TMEM268: variants seen among roughly 807,000 people sequenced by gnomAD.
TMEM268 encodes transmembrane protein 268, also known as transmembrane protein C9orf91.
Under a neutral mutation model 39.1 loss-of-function variants are expected in TMEM268, and 24 were observed. That is an observed-to-expected ratio of 0.61 (90% CI 0.44 to 0.86). TMEM268 has a LOEUF of 0.86. Ranked by LOEUF, TMEM268 falls within the 40% of genes least tolerant of loss-of-function variation. The pLI, the probability that TMEM268 is intolerant of heterozygous loss-of-function variation, is 0.00. For missense variants in TMEM268, 409 were observed against 428.6 expected (o/e 0.95, Z 0.40); for synonymous variants, 176 against 173.5 (o/e 1.01, Z -0.12).
intron 5 of TMEM268, among the ~76,000 whole-genome samples, chr9:114,632,617 G>A (rs1026197021): frequency 6.6e-6 from 1 of 152,152 alleles, no homozygotes; most frequent in Non-Finnish European, 1.5e-5. Flanking sequence ...CCCACCTGAG[G>A]GCCAGGCGCT....
At chr9:114,629,970 T>C (rs1589347509) in intron 5 of TMEM268, among the ~76,000 whole-genome samples, 1 of 152,352 alleles carries the variant, frequency 6.6e-6, no homozygotes, top group East Asian at 1.9e-4. Flanking sequence ...TGGCTACTCC[T>C]GCAGCAAGAA....
At chr9:114,639,039 C>G (rs2900590) in intron 8 of TMEM268, among the ~76,000 whole-genome samples, 1 of 152,132 alleles carries the variant, frequency 6.6e-6, no homozygotes, top group East Asian at 1.9e-4. Context: ...CATGAACATA[C>G]TGATGAACAT....
chr9:114,636,403 G>A (rs1001703861), intron 6 of TMEM268, among the ~76,000 whole-genome samples: 3 of 152,220 alleles, frequency 2.0e-5, no homozygotes, highest in Non-Finnish European at 4.4e-5. Context: ...GACAGGTGAT[G>A]TCCAGGAGGG....
intron 5 of TMEM268, among the ~76,000 whole-genome samples, chr9:114,629,607 C>T (rs1054532732): frequency 4.6e-5 from 7 of 152,156 alleles, no homozygotes; most frequent in South Asian, 2.1e-4. Context: ...CTGGTTTTGG[C>T]GAATAGGATT....
At chr9:114,636,597 T>C (rs895945734) in intron 6 of TMEM268, among the ~76,000 whole-genome samples, 13 of 152,144 alleles carry the variant, frequency 8.5e-5, no homozygotes, top group Admixed American at 2.0e-4. Context: ...ACCTCCCAGG[T>C]TCAAGTGATT....
chr9:114,628,078 GCT>G, intron 4 of TMEM268, 21 bp from the exon 5 acceptor site: 1 of 1,610,332 alleles, frequency 6.2e-7, no homozygotes, highest in Non-Finnish European at 8.5e-7. Context: ...TCCTGACCAT[GCT>G]CTCTGTCTGG....
At chr9:114,637,288 CTTTTTTTTT>C (rs33946644) in intron 7 of TMEM268, among the ~76,000 whole-genome samples, 5 of 127,336 alleles carry the variant, frequency 3.9e-5, no homozygotes, top group African/African-American at 1.2e-4. Context: ...TATATTTCTT[CTTTTTTTTT>C]TTTTTTTTTT....
chr9:114,630,275 T>TCCATCC (rs1554758342), intron 5 of TMEM268, among the ~76,000 whole-genome samples: 4 of 141,642 alleles, frequency 2.8e-5, no homozygotes, highest in African/African-American at 7.8e-5. Context: ...CAACAATATA[T>TCCATCC]ATCTATCCAT....
At chr9:114,611,045 AC>A (rs1845464509), upstream of TMEM268, among the ~76,000 whole-genome samples, 1 of 152,092 alleles carries the variant, frequency 6.6e-6, no homozygotes, top group African/African-American at 2.4e-5. Context: ...ACACAGCGAA[AC>A]CCCCGACTCT....
upstream of TMEM268, among the ~76,000 whole-genome samples, chr9:114,608,997 A>G (rs1845402250): frequency 6.6e-6 from 1 of 152,186 alleles, no homozygotes; most frequent in African/African-American, 2.4e-5. Flanking sequence ...ACAATTTGGA[A>G]TATCTGTTAA....
intron 3 of TMEM268, among the ~76,000 whole-genome samples, chr9:114,624,958 A>G (rs1846096291): frequency 6.6e-6 from 1 of 152,214 alleles, no homozygotes; most frequent in South Asian, 2.1e-4. Context: ...AGGGCATTTT[A>G]GGAGAGGGGA....
At position 114,638,591 on chromosome 9, in the gene TMEM268, T is replaced by C; in HGVS notation, c.714T>C (p.Thr238=). The C allele has an allele frequency of 5.6e-6, 9 of 1,605,340 alleles. No individual in the cohort carries two copies. The highest frequency in any genetic ancestry group is 7.7e-6 in the Non-Finnish European group (9 of 1,176,384). The change falls in exon 8 of 9, where the codon ACT becomes ACC. Residue 238 remains threonine (T), a synonymous_variant. Transcript: ENST00000288502. ...RLSQLCVVME[T]GVSPATAEGP... is the part of the protein sequence containing the mutation. ...GCCAGTTGTGTGTTGTCATGGAGAC[T>C]GGGGTGAGCCCTGCAACAGCGGAGG... is the stretch of plus-strand genomic sequence containing the variant.
chr9:114,637,780 G>C (rs1398510722), intron 7 of TMEM268, among the ~76,000 whole-genome samples: 2 of 152,176 alleles, frequency 1.3e-5, no homozygotes, highest in Non-Finnish European at 2.9e-5. Context: ...TGTGGTCATG[G>C]AGCTGGCTGG....
chr9:114,642,105 T>C (rs1827374087), intron 8 of TMEM268, among the ~76,000 whole-genome samples: 1 of 152,350 alleles, frequency 6.6e-6, no homozygotes, highest in African/African-American at 2.4e-5. Flanking sequence ...CACATCGTTA[T>C]GCAACCATCA....
chr9:114,619,013 A>G (rs1845841749), intron 2 of TMEM268, among the ~76,000 whole-genome samples: 1 of 152,202 alleles, frequency 6.6e-6, no homozygotes, highest in Non-Finnish European at 1.5e-5. Flanking sequence ...CAGCATCCAG[A>G]ATTGTGGGGG....
At chr9:114,641,059 A>C (rs1827311210) in intron 8 of TMEM268, among the ~76,000 whole-genome samples, 1 of 152,124 alleles carries the variant, frequency 6.6e-6, no homozygotes, top group South Asian at 2.1e-4. Context: ...TATTTTTAGT[A>C]GAGATGGGTT....
In TMEM268 at chr9:114,643,517, C is replaced by T. The variant is rs1245180370; in HGVS notation, c.*204C>T. 6.9e-6 allele frequency: 4 copies of T among 575,692 alleles called. No individual in the cohort carries two copies. The highest frequency in any genetic ancestry group is 1.2e-5 in the Non-Finnish European group (4 of 323,036). The allele number at this position is 575,692 out of a possible 1,614,324, so 35.7% of individuals were successfully genotyped here. On this transcript the variant is annotated 3_prime_UTR_variant, in exon 9 of 9. Transcript: ENST00000288502. ...CCTTGTTTGACATCTCATGCTGACC[C>T]CCTGGCCTTTGCAGAAGCTGATGGT...
Position 114,621,878 on chromosome 9 carries a change from G to A in TMEM268, c.107-2472G>A, listed in dbSNP as rs578202170. On this transcript the variant is annotated intron_variant, in intron 2 of 8. Coordinates refer to ENST00000288502, the MANE Select transcript of TMEM268 (RefSeq NM_153045.4). The stretch of plus-strand genomic sequence containing the variant: ...TAGTTTTCCTAAGGGCTGGAAGAAC[G>A]TGGTAACAAGGTTGGCTTTTGCAAA... Among the ~76,000 whole-genome samples the A allele has an allele frequency of 3.9e-5, 6 of 152,314 alleles. No individual in the cohort carries two copies. In the South Asian group the frequency reaches 6.2e-4, roughly 16 times the overall value.
At chr9:114,631,929 G>A (rs1161475313) in intron 5 of TMEM268, among the ~76,000 whole-genome samples, 15 of 151,570 alleles carry the variant, frequency 9.9e-5, no homozygotes, top group Admixed American at 8.6e-4. Context: ...AGTGAGACTC[G>A]ATCTCTACAA....
Sources: gnomAD v4.1 joint callset for allele counts (sites outside exome capture counted in the v4.1 genomes callset) on GRCh38, gnomAD v4.1.1 for gene constraint, MANE v1.5 for transcripts, NCBI Gene and HGNC (gene_info 2026-07-23, HGNC 2026-07-21) for gene names.